The following LAMB3 variants were observed in gnomAD, a reference collection of about 807,000 sequenced individuals.
The protein encoded by LAMB3 is laminin subunit beta-3.
A neutral mutation model predicts 140.3 loss-of-function variants in LAMB3; 104 were observed. That is an observed-to-expected ratio of 0.74 (90% CI 0.63 to 0.87). The LOEUF (loss-of-function observed/expected upper bound fraction) is 0.87, where lower values mean the gene tolerates loss of function less well. LAMB3 is among the 40% of genes least tolerant of loss of function. The pLI is 0.00. For missense variants in LAMB3, 1,531 were observed against 1,575.2 expected (o/e 0.97, Z 0.47); for synonymous variants, 592 against 602.9 (o/e 0.98, Z 0.26).
chr1:209,642,942 G>A (rs1490009141), intron 3 of LAMB3, among the ~76,000 whole-genome samples: 1 of 152,194 alleles, frequency 6.6e-6, no homozygotes, highest in Non-Finnish European at 1.5e-5. Context: ...TTCTCCTTCT[G>A]TCCACGTGTG....
intron 2 of LAMB3, among the ~76,000 whole-genome samples, 190 bp from the exon 3 acceptor site, chr1:209,650,308 A>G (rs994364935): frequency 3.3e-5 from 5 of 152,260 alleles, no homozygotes; most frequent in Non-Finnish European, 7.3e-5. Flanking sequence ...TTCATATTCC[A>G]GAACTCAAAA....
rs965879022 is a variant in LAMB3 at position 209,627,530 on chromosome 1, C to T, written c.1338G>A (p.Glu446=). ...LGSRRDMPCD[E]ESGRCLCLPN... is the part of the protein sequence containing the mutation. Reference sequence around the variant, plus strand: ...GCAGACAAAGGCAGCGCCCACTCTCCTCGTCACACGGCATGTCCCTCCGGG... The same window carrying T: ...GCAGACAAAGGCAGCGCCCACTCTCTTCGTCACACGGCATGTCCCTCCGGG... The change falls in exon 12 of 23, where the codon GAG becomes GAA. Residue 446 remains glutamate (E), a synonymous_variant. Coordinates refer to ENST00000356082, the MANE Select transcript of LAMB3 (RefSeq NM_000228.3). 1 of 1,614,082 alleles carries T rather than the reference C, an allele frequency of 6.2e-7. No homozygotes were observed. The highest frequency in any genetic ancestry group is 1.7e-5 in the Admixed American group (1 of 60,030).
rs368271817 is a variant in LAMB3 at position 209,622,578 on chromosome 1, G to A, written c.2659C>T (p.Arg887Cys). 73 of 1,613,930 alleles carry A rather than the reference G, an allele frequency of 4.5e-5. No homozygotes were observed. The highest frequency in any genetic ancestry group is 1.7e-4 in the African/African-American group (13 of 74,900). ...ACCTGCTGGATTAGGAGCCGTGTGCGTCTGACATCTTCCTCCATCTGGGAG... is the reference window on the plus strand; with the variant it reads ...ACCTGCTGGATTAGGAGCCGTGTGCATCTGACATCTTCCTCCATCTGGGAG... ...SRSQMEEDVR[R>C]TRLLIQQVRD... Residue 887 changes from arginine (R) to cysteine (C), a missense_variant, in exon 18 of 23, where the codon CGC (arginine) becomes TGC (cysteine). By Grantham distance (180) the Arg-to-Cys change is radical. Coordinates refer to ENST00000356082, the MANE Select transcript of LAMB3 (RefSeq NM_000228.3).
At chr1:209,639,234 T>C (rs1397464074) in intron 3 of LAMB3, among the ~76,000 whole-genome samples, 2 of 152,234 alleles carry the variant, frequency 1.3e-5, no homozygotes, top group Non-Finnish European at 2.9e-5. Context: ...GCTTTTCATT[T>C]ACCCAGCAAA....
chr1:209,622,644 A>G lies in LAMB3; in HGVS notation c.2593T>C (p.Ser865Pro). 1.2e-6 allele frequency: 2 copies of G among 1,614,152 alleles called. No homozygotes were observed. Among genetic ancestry groups the G allele is most frequent in the Non-Finnish European group, 8.5e-7 (1 of 1,180,028 alleles). ...AAEESASQIQ[S>P]SAQRLETQVS... ...TGGGTCTCCAAGCGCTGGGCACTGG[A>G]TTGAATCTGTGAGGCAGATTCCTCG... is the stretch of plus-strand genomic sequence containing the variant. Residue 865 changes from serine to proline, a missense_variant, in exon 18 of 23, where the codon TCC becomes CCC. By Grantham distance (74) the Ser-to-Pro change is moderately conservative (BLOSUM62 -1). Coordinates refer to ENST00000356082, the MANE Select transcript of LAMB3 (RefSeq NM_000228.3).
chr1:209,637,637 A>G (rs530451843), intron 5 of LAMB3, among the ~76,000 whole-genome samples: 1 of 152,318 alleles, frequency 6.6e-6, no homozygotes, highest in South Asian at 2.1e-4. Context: ...GGCCCAGTAG[A>G]ATTGGTACTT....
rs1220673076 is a variant in LAMB3 at position 209,626,004 on chromosome 1, T to C, written c.1620A>G (p.Gly540=). ...GCRACDCDFR[G]TEGPGCDKAS... The stretch of plus-strand genomic sequence containing the variant: ...CCTTGTCGCAGCCCGGGCCCTCTGT[T>C]CCCCGGAAATCACAGTCACAGGCTA... The change falls in exon 14 of 23, where the codon GGA becomes GGG. Residue 540 remains glycine (G), a synonymous_variant. Transcript: ENST00000356082. 1 of 1,612,780 alleles carries C rather than the reference T, an allele frequency of 6.2e-7. No individual in the cohort carries two copies. The highest frequency in any genetic ancestry group is 1.3e-5 in the African/African-American group (1 of 74,866).
At chr1:209,621,325 C>T (rs550775623) in intron 18 of LAMB3, among the ~76,000 whole-genome samples, 3 of 152,316 alleles carry the variant, frequency 2.0e-5, no homozygotes, top group African/African-American at 7.2e-5. Context: ...TCCCTACATC[C>T]CCAGGTAATA....
intron 14 of LAMB3, among the ~76,000 whole-genome samples, chr1:209,624,563 CT>C (rs1374477914): frequency 6.6e-6 from 1 of 152,208 alleles, no homozygotes; most frequent in Non-Finnish European, 1.5e-5. Flanking sequence ...GCCTCACATT[CT>C]CCACCTCCAG....
intron 14 of LAMB3, among the ~76,000 whole-genome samples, chr1:209,624,882 G>GGAAC (rs1191133983): frequency 1.5e-5 from 1 of 67,668 alleles, no homozygotes; most frequent in South Asian, 4.7e-4. Context: ...AAGAGAGAGA[G>GGAAC]GAAGGAAGGA....
intron 18 of LAMB3, chr1:209,618,891 G>A (rs943075174): frequency 3.4e-6 from 2 of 587,150 alleles, no homozygotes; most frequent in African/African-American, 3.7e-5. Flanking sequence ...CAGGGAGGAG[G>A]AGGGGTGTCG....
intron 11 of LAMB3, 46 bp from the exon 12 acceptor site, chr1:209,627,625 A>C: frequency 6.3e-7 from 1 of 1,582,452 alleles, no homozygotes; most frequent in Non-Finnish European, 8.7e-7. Flanking sequence ...TCCATGAAAA[A>C]CTCACCCCCA....
In LAMB3 at chr1:209,630,730, G is replaced by C. The variant is rs182105392; in HGVS notation, c.828C>G (p.His276Gln). Reference sequence around the variant, plus strand: ...TGTTGTGCTGGCAGACACAGACATCGTGGACCTGGGAGGGGGACCGTCAGC... The same window carrying C: ...TGTTGTGCTGGCAGACACAGACATCCTGGACCTGGGAGGGGGACCGTCAGC... ...SAGPSTAVQV[H>Q]DVCVCQHNTA... The change falls in exon 9 of 23, where the codon CAC becomes CAG. Residue 276 changes from histidine to glutamine, a missense_variant. Coordinates refer to ENST00000356082, the MANE Select transcript of LAMB3 (RefSeq NM_000228.3). 1.1e-5 allele frequency: 17 copies of C among 1,613,876 alleles called. No individual in the cohort carries two copies. In the African/African-American group the frequency reaches 2.3e-4, roughly 22 times the overall value.
At chr1:209,643,314 A>G (rs2076487553) in intron 3 of LAMB3, among the ~76,000 whole-genome samples, 1 of 151,118 alleles carries the variant, frequency 6.6e-6, no homozygotes, top group Non-Finnish European at 1.5e-5. Flanking sequence ...ATATGCCCCC[A>G]TCTCTCCCAG....
intron 14 of LAMB3, among the ~76,000 whole-genome samples, chr1:209,624,406 G>A (rs1666339751): frequency 6.6e-6 from 1 of 152,130 alleles, no homozygotes; most frequent in Non-Finnish European, 1.5e-5. Flanking sequence ...CTCAGCTCCA[G>A]ATCCCATCAC....
Position 209,649,966 on chromosome 1 carries a change from C to T in LAMB3, c.181G>A (p.Glu61Lys), listed in dbSNP as rs765935706. Residue 61 changes from glutamate (E) to lysine (K), a missense_variant and splice_region_variant, in exon 3 of 23, where the codon GAG (glutamate) becomes AAG (lysine). Coordinates refer to ENST00000356082, the MANE Select transcript of LAMB3 (RefSeq NM_000228.3). The stretch of plus-strand genomic sequence containing the variant: ...CAGTCCTGGGAAGTAGGGCCTACCT[C>T]GCCATACTGGGTGCAGTAGGTCTCA... ...KPETYCTQYGEWQMKCCKCDS... is the reference protein window; with the variant it reads ...KPETYCTQYGKWQMKCCKCDS... The T allele has an allele frequency of 6.8e-6, 11 of 1,614,080 alleles. No homozygotes were observed. The highest frequency in any genetic ancestry group is 3.3e-5 in the Admixed American group (2 of 60,014).
intron 5 of LAMB3, among the ~76,000 whole-genome samples, chr1:209,636,419 G>A (rs1666896677): frequency 6.6e-6 from 1 of 152,162 alleles, no homozygotes. Flanking sequence ...TTGAGACTCA[G>A]TAAACCAGGC....
chr1:209,626,098 A>G (rs962641244), intron 13 of LAMB3, 72 bp from the exon 14 acceptor site: 4 of 1,529,230 alleles, frequency 2.6e-6, no homozygotes, highest in Non-Finnish European at 3.6e-6. Context: ...GAGAGCCCTG[A>G]AGAGGAGGTC....
At chr1:209,626,180 T>G (rs569501631) in intron 13 of LAMB3, among the ~76,000 whole-genome samples, 154 bp from the exon 14 acceptor site, 1 of 152,340 alleles carries the variant, frequency 6.6e-6, no homozygotes, top group Admixed American at 6.5e-5. Context: ...TGGTAACAGC[T>G]GCAGTGAAAG....
Sources: gnomAD v4.1 joint callset for allele counts (sites outside exome capture counted in the v4.1 genomes callset) on GRCh38, gnomAD v4.1.1 for gene constraint, MANE v1.5 for transcripts, NCBI Gene and HGNC (gene_info 2026-07-23, HGNC 2026-07-21) for gene names.